The following CD84 variants were observed in gnomAD, a reference collection of about 807,000 sequenced individuals.
The protein encoded by CD84 is SLAM family member 5.
Under a neutral mutation model 33.8 loss-of-function variants are expected in CD84, and 22 were observed. The ratio of observed to expected loss-of-function variants is 0.65; its 90% CI spans 0.46 to 0.93. The LOEUF is 0.93. Ranked by LOEUF, CD84 falls within the 40% of genes least tolerant of loss-of-function variation. The pLI, the probability that CD84 is intolerant of heterozygous loss-of-function variation, is 0.00. For synonymous variants in CD84, 154 were observed against 145.2 expected, an observed-to-expected ratio of 1.06 and a Z score of -0.44; for missense variants, 400 against 397.6, an observed-to-expected ratio of 1.01 and a Z score of -0.05.
At chr1:160,555,790 A>T (rs1656570583) in intron 2 of CD84, among the ~76,000 whole-genome samples, 1 of 145,546 alleles carries the variant, frequency 6.9e-6, no homozygotes, top group Admixed American at 6.7e-5. Flanking sequence ...ATAAATTCAG[A>T]AGTGTAGACA....
rs1655600953 is a variant in CD84, at chr1:160,542,621, T to C, written c.*5635A>G. The C allele has an allele frequency of 6.6e-6, 1 of 152,208 alleles. No individual in the cohort carries two copies. Among genetic ancestry groups the C allele is most frequent in the Non-Finnish European group, 1.5e-5 (1 of 68,032 alleles). The allele number at this position is 152,208 out of a possible 1,614,324, so 9.4% of individuals were successfully genotyped here. On this transcript the variant is annotated 3_prime_UTR_variant, in exon 7 of 7. Coordinates refer to ENST00000368054, the MANE Select transcript of CD84 (RefSeq NM_003874.4). ...TTCTCATTTGCAAAGATTTGGCCAT[T>C]TTCCAGTCTCAGAATTGATCCATCC...
At chr1:160,550,008 A>G in intron 5 of CD84, 29 bp from the exon 6 acceptor site, 4 of 1,470,968 alleles carry the variant, frequency 2.7e-6, no homozygotes, top group Non-Finnish European at 3.8e-6. Context: ...CCCCTCAGTG[A>G]GGGAGCCCAG....
At chr1:160,553,605 G>T in intron 3 of CD84, 108 bp from the exon 4 acceptor site, 1 of 1,332,662 alleles carries the variant, frequency 7.5e-7, no homozygotes, top group Non-Finnish European at 1.1e-6. Context: ...GCCCTCCGAA[G>T]GAGTGCCAAA....
At chr1:160,554,377 A>G (rs750342093) in intron 2 of CD84, among the ~76,000 whole-genome samples, 5 of 152,170 alleles carry the variant, frequency 3.3e-5, no homozygotes, top group Non-Finnish European at 5.9e-5. Context: ...GGTTATCTAC[A>G]TCTATTGTAT....
chr1:160,568,669 G>A (rs989231386), intron 1 of CD84, among the ~76,000 whole-genome samples: 7 of 152,150 alleles, frequency 4.6e-5, no homozygotes, highest in African/African-American at 1.7e-4. Context: ...CACCCACGCT[G>A]GAGTGCAGTG....
At chr1:160,563,912 A>G (rs1159282741) in intron 2 of CD84, among the ~76,000 whole-genome samples, 2 of 152,136 alleles carry the variant, frequency 1.3e-5, no homozygotes, top group Non-Finnish European at 2.9e-5. Context: ...ACCATAGTGA[A>G]TAGGGCAGCA....
In CD84 at chr1:160,550,779, C is replaced by T. The variant is rs570415547; in HGVS notation, c.858+159G>A. The T allele has an allele frequency of 1.4e-4, 139 of 985,340 alleles. No homozygotes were observed. In the Middle Eastern group the frequency reaches 1.6e-3, roughly 11 times the overall value. 61.0% of individuals were successfully genotyped at this position (985,340 alleles called of 1,614,324 possible). On this transcript the variant is annotated intron_variant, in intron 5 of 6. Coordinates refer to ENST00000368054, the MANE Select transcript of CD84 (RefSeq NM_003874.4). ...ACGTTCCTGTCCTCATAGAAAGATC[C>T]GTGGCATCACTTCCCTGACATGGTA...
At chr1:160,552,027 G>A (rs945752648) in intron 4 of CD84, among the ~76,000 whole-genome samples, 1 of 152,116 alleles carries the variant, frequency 6.6e-6, no homozygotes, top group Non-Finnish European at 1.5e-5. Context: ...GGGTCAAGGT[G>A]AAAAAAGAAG....
chr1:160,558,920 CAAGAAAA>C (rs966998347), intron 2 of CD84, among the ~76,000 whole-genome samples: 10 of 151,022 alleles, frequency 6.6e-5, no homozygotes, highest in East Asian at 1.9e-4. Context: ...GACAGGCAGA[CAAGAAAA>C]AAGAAAAAAG....
In CD84 at chr1:160,542,188, T is replaced by C. The variant is rs1655576295; in HGVS notation, c.*6068A>G. ...GTGATTCAGCCTTAAAGACTTCACC[T>C]TTCTGTGACCCAGTTTCCTACTTTG... On this transcript the variant is annotated 3_prime_UTR_variant, in exon 7 of 7. Transcript: ENST00000368054. 2 of 152,270 alleles carry C rather than the reference T, an allele frequency of 1.3e-5. No homozygotes were observed. Among genetic ancestry groups the C allele is most frequent in the Non-Finnish European group, 2.9e-5 (2 of 68,042 alleles). The allele number at this position is 152,270 out of a possible 1,614,324, so 9.4% of individuals were successfully genotyped here.
At chr1:160,566,081 A>G (rs1439521495) in intron 1 of CD84, among the ~76,000 whole-genome samples, 1 of 152,196 alleles carries the variant, frequency 6.6e-6, no homozygotes, top group Admixed American at 6.5e-5. Flanking sequence ...TATTAGGTGC[A>G]CTTCTTTCCC....
chr1:160,551,304 C>G, intron 4 of CD84: 1 of 404,766 alleles, frequency 2.5e-6, no homozygotes, highest in Non-Finnish European at 4.5e-6. Context: ...TGTGGCCAGT[C>G]AAATGTAGCT....
rs1395968061 is a variant in CD84 at position 160,541,999 on chromosome 1, A to G, written c.*6257T>C. 2 of 152,204 alleles carry G rather than the reference A, an allele frequency of 1.3e-5. No homozygotes were observed. Among genetic ancestry groups the G allele is most frequent in the Non-Finnish European group, 2.9e-5 (2 of 68,048 alleles). The allele number at this position is 152,204 out of a possible 1,614,324, so 9.4% of individuals were successfully genotyped here. A position where few individuals can be genotyped will look rare whatever the true frequency, so the allele number is the denominator to read the frequency against. On this transcript the variant is annotated 3_prime_UTR_variant, in exon 7 of 7. Coordinates refer to ENST00000368054, the MANE Select transcript of CD84 (RefSeq NM_003874.4). ...AATTGACAGGACCTATTCTCTGACT[A>G]GATGTAGAGGGGATCTGGGGTGACA...
In CD84 at chr1:160,546,969, C is replaced by A; in HGVS notation, c.*1287G>T. 2.5e-6 allele frequency: 1 copy of A among 395,528 alleles called. No individual in the cohort carries two copies. The highest frequency in any genetic ancestry group is 4.5e-6 in the Non-Finnish European group (1 of 224,642). The allele number at this position is 395,528 out of a possible 1,614,324, so 24.5% of individuals were successfully genotyped here. ...CTAATTGCAGCCCATTGCTGTCCAGCCTAGGACTATTCATTGGGATTTAGG... is the reference window on the plus strand; with the variant it reads ...CTAATTGCAGCCCATTGCTGTCCAGACTAGGACTATTCATTGGGATTTAGG... On this transcript the variant is annotated 3_prime_UTR_variant, in exon 7 of 7. Coordinates refer to ENST00000368054, the MANE Select transcript of CD84 (RefSeq NM_003874.4).
chr1:160,549,877 G>A (rs200553834), intron 6 of CD84, 40 bp downstream of exon 6: 147 of 1,469,908 alleles, frequency 1.0e-4, no homozygotes, highest in Middle Eastern at 8.6e-4. Context: ...ATGGCTGGAA[G>A]AGTTAGGAAA....
At chr1:160,572,652 A>G (rs1253384584) in intron 1 of CD84, among the ~76,000 whole-genome samples, 1 of 152,168 alleles carries the variant, frequency 6.6e-6, no homozygotes, top group East Asian at 1.9e-4. Flanking sequence ...AGTGTTTGCT[A>G]ACTACCCTTG....
At position 160,575,492 on chromosome 1, in the gene CD84, A is replaced by AAAACACACAC. The variant is rs1258918884; in HGVS notation, c.46+3890_46+3899dup. Among the ~76,000 whole-genome samples, 573 of 104,788 alleles carry AAAACACACAC rather than the reference A, an allele frequency of 5.5e-3. 3 individuals carry two copies. Among genetic ancestry groups the AAAACACACAC allele is most frequent in the African/African-American group, 0.02 (555 of 27,872 alleles). 68.7% of individuals were successfully genotyped at this position (104,788 alleles called of 152,430 possible). On this transcript the variant is annotated intron_variant, in intron 1 of 6. Coordinates refer to ENST00000368054, the MANE Select transcript of CD84 (RefSeq NM_003874.4). ...TAGGTTTACTTGAATCAGTTCCTTC[A>AAAACACACAC]AAACACACACACACACACACACACA...
chr1:160,567,293 T>G (rs1010925714), intron 1 of CD84, among the ~76,000 whole-genome samples: 5 of 152,232 alleles, frequency 3.3e-5, no homozygotes, highest in African/African-American at 1.2e-4. Context: ...CTGATGGTGT[T>G]GTCTCACTAT....
chr1:160,552,750 A>C (rs1656320397), intron 4 of CD84: 1 of 1,542,852 alleles, frequency 6.5e-7, no homozygotes, highest in African/African-American at 1.4e-5. Flanking sequence ...GAGGAATCAG[A>C]CCCAAAGGAG....
Sources: allele counts gnomAD v4.1 joint callset (sites outside exome capture counted in the v4.1 genomes callset), GRCh38; gene constraint gnomAD v4.1.1; transcripts MANE v1.5; gene names NCBI Gene and HGNC (gene_info 2026-07-23, HGNC 2026-07-21).